The following CWC27 variants were observed in gnomAD, a reference collection of about 807,000 sequenced individuals.
The protein encoded by CWC27 is spliceosome-associated protein CWC27 homolog.
A neutral mutation model predicts 63.6 loss-of-function variants in CWC27; 47 were observed. The ratio of observed to expected loss-of-function variants is 0.74; its 90% CI spans 0.58 to 0.94. The LOEUF (loss-of-function observed/expected upper bound fraction) is 0.94. Ranked by LOEUF, CWC27 falls within the 40% of genes least tolerant of loss-of-function variation. CWC27 has a pLI of 0.00. For missense variants in CWC27, 495 were observed against 554.3 expected, an observed-to-expected ratio of 0.89 and a Z score of 1.07; for synonymous variants, 175 against 179.8, an observed-to-expected ratio of 0.97 and a Z score of 0.22.
At chr5:64,786,425 A>G (rs1396508758) in intron 5 of CWC27, 99 bp from the exon 6 acceptor site, 16 of 628,558 alleles carry the variant, frequency 2.5e-5, no homozygotes, top group African/African-American at 2.5e-4. Flanking sequence ...TTATGTGGGG[A>G]AAAATATAGA....
chr5:64,929,798 A>G (rs1748201419), intron 11 of CWC27, among the ~76,000 whole-genome samples: 1 of 152,154 alleles, frequency 6.6e-6, no homozygotes, highest in Non-Finnish European at 1.5e-5. Context: ...TGCTTTGGAA[A>G]AAAAGTTTAA....
At chr5:65,011,712 A>C (rs1481378649) in intron 13 of CWC27, among the ~76,000 whole-genome samples, 4 of 152,232 alleles carry the variant, frequency 2.6e-5, no homozygotes, top group Non-Finnish European at 5.9e-5. Flanking sequence ...AAAATATAAA[A>C]GACCTGAGTA....
At chr5:64,924,160 A>G (rs1748057447) in intron 11 of CWC27, among the ~76,000 whole-genome samples, 1 of 152,048 alleles carries the variant, frequency 6.6e-6, no homozygotes, top group Admixed American at 6.6e-5. Flanking sequence ...AGATACATCA[A>G]CCTAGGTTTT....
Position 64,774,272 on chromosome 5 carries a change from C to T in CWC27, c.43-419C>T, listed in dbSNP as rs113744031. Among the ~76,000 whole-genome samples, 19 of 152,240 alleles carry T rather than the reference C, an allele frequency of 1.2e-4. 1 individual carries two copies. The highest frequency in any genetic ancestry group is 4.6e-4 in the Admixed American group (7 of 15,296). On this transcript the variant is annotated intron_variant, in intron 1 of 13. Coordinates refer to ENST00000381070, the MANE Select transcript of CWC27 (RefSeq NM_005869.4). ...CCAGGCTCAAGTGATCCTCTCAACT[C>T]GGCCTCCCAAATAGCATGGAACACC...
At chr5:64,893,027 AAG>A (rs1747278682) in intron 11 of CWC27, among the ~76,000 whole-genome samples, 1 of 152,240 alleles carries the variant, frequency 6.6e-6, no homozygotes, top group Non-Finnish European at 1.5e-5. Flanking sequence ...CACTCTTGGA[AAG>A]TAGAAGAGGT....
chr5:64,946,121 C>T (rs1748587677), intron 11 of CWC27, among the ~76,000 whole-genome samples: 1 of 152,074 alleles, frequency 6.6e-6, no homozygotes, highest in Admixed American at 6.6e-5. Flanking sequence ...CAAAAGCAGT[C>T]AAATTACTCA....
At chr5:64,820,578 A>G (rs1386010216) in intron 10 of CWC27, among the ~76,000 whole-genome samples, 2 of 152,186 alleles carry the variant, frequency 1.3e-5, no homozygotes, top group Non-Finnish European at 2.9e-5. Context: ...TAAAAGATAG[A>G]GAGATAGATC....
intron 11 of CWC27, among the ~76,000 whole-genome samples, chr5:64,932,390 A>T (rs888166499): frequency 6.6e-6 from 1 of 152,114 alleles, no homozygotes; most frequent in African/African-American, 2.4e-5. Context: ...TTGTAAAATT[A>T]AAAAGCAACT....
In CWC27 at chr5:64,974,174, G is replaced by A. The variant is rs550231229; in HGVS notation, c.1152+2362G>A. Reference sequence around the variant, plus strand: ...GATCGCTTGAGCCCAGTAGGTCGACGCTGTAGTGAGCCATGATTGTACCAT... The same window carrying A: ...GATCGCTTGAGCCCAGTAGGTCGACACTGTAGTGAGCCATGATTGTACCAT... On this transcript the variant is annotated intron_variant, in intron 12 of 13. Coordinates refer to ENST00000381070, the MANE Select transcript of CWC27 (RefSeq NM_005869.4). 5.3e-5 allele frequency among the ~76,000 whole-genome samples: 8 copies of A among 151,974 alleles called. 1 individual carries two copies. In the East Asian group the frequency reaches 1.4e-3, roughly 26 times the overall value.
chr5:64,894,461 C>A (rs1414752976), intron 11 of CWC27, among the ~76,000 whole-genome samples: 1 of 152,020 alleles, frequency 6.6e-6, no homozygotes, highest in Admixed American at 6.6e-5. Context: ...GTTTCTAAAA[C>A]CCCCCTAGGC....
At chr5:64,847,865 A>T (rs1746031707) in intron 10 of CWC27, among the ~76,000 whole-genome samples, 1 of 152,102 alleles carries the variant, frequency 6.6e-6, no homozygotes, top group Non-Finnish European at 1.5e-5. Flanking sequence ...GACTTACGGG[A>T]TACAGCAAAA....
rs1554074479 is a variant in CWC27, at chr5:64,885,698, G to GGGGT, written c.1042+153_1042+154insGGTG. ...TTTCTTTCCCTCCCTCTTGAGTTAG[G>GGGGT]GTGTGTGTGTGTGTGTGTGTGTGTG... On this transcript the variant is annotated intron_variant, in intron 11 of 13. Coordinates refer to ENST00000381070, the MANE Select transcript of CWC27 (RefSeq NM_005869.4). 103 of 261,524 alleles carry GGGGT rather than the reference G, an allele frequency of 3.9e-4. 1 individual carries two copies. Among genetic ancestry groups the GGGGT allele is most frequent in the East Asian group, 7.9e-4 (8 of 10,064 alleles). 16.2% of individuals were successfully genotyped at this position (261,524 alleles called of 1,614,324 possible).
chr5:64,824,831 C>G (rs997221892), intron 10 of CWC27, among the ~76,000 whole-genome samples: 1 of 144,650 alleles, frequency 6.9e-6, no homozygotes, highest in Non-Finnish European at 1.5e-5. Context: ...CTCCCAGGTT[C>G]AAGAGATTCT....
chr5:65,014,021 T>A (rs539244564), intron 13 of CWC27, among the ~76,000 whole-genome samples: 1 of 152,040 alleles, frequency 6.6e-6, no homozygotes, highest in South Asian at 2.1e-4. Context: ...AAAAACTGGA[T>A]AAGAAGTTAG....
chr5:64,821,313 G>A (rs913518671), intron 10 of CWC27, among the ~76,000 whole-genome samples: 14 of 152,038 alleles, frequency 9.2e-5, no homozygotes, highest in African/African-American at 3.1e-4. Flanking sequence ...TCAATGTCTT[G>A]ACCGCATGAG....
At chr5:64,953,383 G>A (rs549707026) in intron 11 of CWC27, among the ~76,000 whole-genome samples, 12 of 152,092 alleles carry the variant, frequency 7.9e-5, no homozygotes, top group East Asian at 7.8e-4. Flanking sequence ...ACCTTCACCC[G>A]AGTGAGTGAC....
chr5:64,978,086 A>G (rs915777781), intron 13 of CWC27, among the ~76,000 whole-genome samples: 1 of 152,134 alleles, frequency 6.6e-6, no homozygotes, highest in African/African-American at 2.4e-5. Flanking sequence ...CTGTTTCAAA[A>G]CTCTGTTCAA....
Position 64,877,421 on chromosome 5 carries a change from T to TG in CWC27, c.939-8015dup, listed in dbSNP as rs531363492. ...ACCAGAGGCATCTGGGTTTGTGTGT[T>TG]GGGGGGGATGAAGAGAGATTGGGTA... On this transcript the variant is annotated intron_variant, in intron 10 of 13. Transcript: ENST00000381070. Among the ~76,000 whole-genome samples the TG allele has an allele frequency of 2.2e-4, 34 of 151,944 alleles. No homozygotes were observed. In the East Asian group the frequency reaches 4.6e-3, roughly 21 times the overall value.
At chr5:65,011,737 G>A (rs919839126) in intron 13 of CWC27, among the ~76,000 whole-genome samples, 1 of 152,188 alleles carries the variant, frequency 6.6e-6, no homozygotes, top group African/African-American at 2.4e-5. Context: ...GGACCACAAG[G>A]TAGTCCTTAG....
Sources: allele counts gnomAD v4.1 joint callset (sites outside exome capture counted in the v4.1 genomes callset), GRCh38; gene constraint gnomAD v4.1.1; transcripts MANE v1.5; gene names NCBI Gene and HGNC (gene_info 2026-07-23, HGNC 2026-07-21).